The following FBXO28 variants were observed in gnomAD, a reference collection of about 807,000 sequenced individuals.
The protein encoded by FBXO28 is F-box protein 28, also known as F-box only protein 28.
Under a neutral mutation model 38.1 loss-of-function variants are expected in FBXO28, and 8 were observed. The ratio of observed to expected loss-of-function variants is 0.21; its 90% confidence interval spans 0.12 to 0.38. The LOEUF (loss-of-function observed/expected upper bound fraction) is 0.38, where lower values mean the gene tolerates loss of function less well. Ranked by LOEUF, FBXO28 falls within the 10% of genes least tolerant of loss-of-function variation. The pLI, the probability that FBXO28 is intolerant of heterozygous loss-of-function variation, is 1.00. For missense variants in FBXO28, 345 were observed against 460.6 expected (o/e 0.75, Z 2.30); for synonymous variants, 168 against 173.8 (o/e 0.97, Z 0.26).
At chr1:224,124,989 G>A (rs1419126475) in intron 1 of FBXO28, among the ~76,000 whole-genome samples, 1 of 152,052 alleles carries the variant, frequency 6.6e-6, no homozygotes. Flanking sequence ...AAAGATGTAT[G>A]ATCTCTTGTG....
chr1:224,148,681 G>A (rs1180428501), intron 3 of FBXO28, among the ~76,000 whole-genome samples: 2 of 150,750 alleles, frequency 1.3e-5, no homozygotes, highest in African/African-American at 2.4e-5. Context: ...AAAAAAAAAA[G>A]AAAAGAAACA....
At chr1:224,153,921 C>CA (rs3065992) in intron 4 of FBXO28, among the ~76,000 whole-genome samples, 5,857 of 130,590 alleles carry the variant, frequency 0.045, 373 homozygotes, top group African/African-American at 0.15. Context: ...AACTCCATCT[C>CA]AAAAAAAAAA....
At position 224,159,232 on chromosome 1, in the gene FBXO28, A is replaced by G. The variant is rs1657841242; in HGVS notation, c.*1486A>G. The G allele has an allele frequency of 6.6e-6, 1 of 152,618 alleles. No homozygotes were observed. Among genetic ancestry groups the G allele is most frequent in the South Asian group, 2.1e-4 (1 of 4,828 alleles). The allele number at this position is 152,618 out of a possible 1,614,324, so 9.5% of individuals were successfully genotyped here. On this transcript the variant is annotated 3_prime_UTR_variant, in exon 5 of 5. Coordinates refer to ENST00000366862, the MANE Select transcript of FBXO28 (RefSeq NM_015176.4). ...CTGTCCCTTTCCAGGTGGGAGCTTAACACCTGTATAAAACCTAAGGTTTTG... is the reference window on the plus strand; with the variant it reads ...CTGTCCCTTTCCAGGTGGGAGCTTAGCACCTGTATAAAACCTAAGGTTTTG...
chr1:224,133,119 A>T (rs1348993082), intron 2 of FBXO28, among the ~76,000 whole-genome samples: 1 of 152,232 alleles, frequency 6.6e-6, no homozygotes, highest in Admixed American at 6.5e-5. Context: ...AAGAAGCCAG[A>T]AACATAAGGC....
At chr1:224,126,234 A>G (rs560044699) in intron 1 of FBXO28, among the ~76,000 whole-genome samples, 1 of 152,286 alleles carries the variant, frequency 6.6e-6, no homozygotes, top group Non-Finnish European at 1.5e-5. Flanking sequence ...GCCAGCACTC[A>G]TATTCGAGTT....
chr1:224,114,336 C>G lies in FBXO28; in HGVS notation c.207C>G (p.Ile69Met). ...PQNNTLVALP[I>M]VAIENILSFM... is the part of the protein sequence containing the mutation. ...ACAACACGCTTGTGGCGCTGCCCAT[C>G]GTAGCCATCGAGAACATCCTCAGCT... Residue 69 changes from isoleucine (I) to methionine (M), a missense_variant, in exon 1 of 5, where the codon ATC (isoleucine) becomes ATG (methionine). Ile to Met is a conservative substitution (Grantham distance 10). Transcript: ENST00000366862. The G allele has an allele frequency of 6.3e-7, 1 of 1,593,204 alleles. No individual in the cohort carries two copies. Among genetic ancestry groups the G allele is most frequent in the Non-Finnish European group, 8.5e-7 (1 of 1,169,812 alleles).
chr1:224,140,726 C>T (rs1247219650), intron 3 of FBXO28, among the ~76,000 whole-genome samples: 2 of 151,964 alleles, frequency 1.3e-5, no homozygotes, highest in Non-Finnish European at 2.9e-5. Context: ...GGGCGGATCA[C>T]CTGAGGTCAA....
Position 224,153,182 on chromosome 1 carries a change from C to T in FBXO28, c.557C>T (p.Ser186Phe). ...TATCGTGTGTTGAGATATGTCAATT[C>T]TACCAGAGCCCCTCAACGAGCTCAT... Reference protein sequence around the residue: ...EIYRVLRYVNSTRAPQRAHEV... With the variant: ...EIYRVLRYVNFTRAPQRAHEV... The change falls in exon 4 of 5, where the codon TCT becomes TTT. Residue 186 changes from serine to phenylalanine, a missense_variant. Physicochemically the swap from Ser to Phe is radical, Grantham distance 155 (BLOSUM62 -2). Transcript: ENST00000366862. The T allele has an allele frequency of 1.2e-6, 2 of 1,608,362 alleles. No individual in the cohort carries two copies. The highest frequency in any genetic ancestry group is 1.7e-6 in the Non-Finnish European group (2 of 1,178,274).
intron 1 of FBXO28, among the ~76,000 whole-genome samples, chr1:224,127,116 A>G (rs960901482): frequency 6.6e-6 from 1 of 151,872 alleles, no homozygotes; most frequent in Admixed American, 6.6e-5. Flanking sequence ...CAGAAACCCC[A>G]GAGAGGTTTC....
intron 3 of FBXO28, among the ~76,000 whole-genome samples, chr1:224,143,806 A>T (rs181223378): frequency 2.0e-3 from 293 of 148,380 alleles, no homozygotes; most frequent in African/African-American, 6.9e-3. Context: ...ACTGCACTCC[A>T]GCCTGGACGA....
chr1:224,157,330 C>A, intron 4 of FBXO28, 22 bp from the exon 5 acceptor site: 1 of 1,564,828 alleles, frequency 6.4e-7, no homozygotes, highest in Non-Finnish European at 8.6e-7. Flanking sequence ...GTGACTGACC[C>A]TTTTGAATTA....
rs1358590580 is a variant in FBXO28 at position 224,114,690 on chromosome 1, T to G, written c.267+294T>G. Among the ~76,000 whole-genome samples, 3 of 152,044 alleles carry G rather than the reference T, an allele frequency of 2.0e-5. No individual in the cohort carries two copies. The East Asian group carries it at 5.8e-4, about 30-fold the overall frequency. ...TCTACGGGAGGGGTAGCGGAGTTGG[T>G]CTTCCCACCTTCCGCCTGGCCCGAG... On this transcript the variant is annotated intron_variant, in intron 1 of 4. Coordinates refer to ENST00000366862, the MANE Select transcript of FBXO28 (RefSeq NM_015176.4).
At chr1:224,146,739 G>A (rs371988111) in intron 3 of FBXO28, among the ~76,000 whole-genome samples, 2 of 114,052 alleles carry the variant, frequency 1.8e-5, no homozygotes, top group South Asian at 5.4e-4. Context: ...ACTGAGTCTT[G>A]CTGTGTCGCC....
intron 1 of FBXO28, among the ~76,000 whole-genome samples, chr1:224,125,657 T>C (rs77742880): frequency 2.0e-5 from 3 of 151,512 alleles, no homozygotes; most frequent in Non-Finnish European, 2.9e-5. Context: ...TTTTTTTTTT[T>C]CTGACACGGA....
Position 224,130,548 on chromosome 1 carries a change from T to G in FBXO28, c.344T>G (p.Leu115Arg), listed in dbSNP as rs2102616750. The part of the protein sequence containing the change: ...GFLKVERYHN[L>R]CQKQVKAQLP... ...CTGAAAGTGGAGAGGTACCATAATC[T>G]ATGTCAGAAACAAGTTAAAGCACAA... The change falls in exon 2 of 5, where the codon CTA becomes CGA. Residue 115 changes from leucine (L) to arginine (R), a missense_variant. Transcript: ENST00000366862. 1 of 1,613,712 alleles carries G rather than the reference T, an allele frequency of 6.2e-7. No individual in the cohort carries two copies. Among genetic ancestry groups the G allele is most frequent in the East Asian group, 2.2e-5 (1 of 44,860 alleles).
In FBXO28 at chr1:224,161,726, A is replaced by C. The variant is rs1332695060; in HGVS notation, c.*3980A>C. On this transcript the variant is annotated 3_prime_UTR_variant, in exon 5 of 5. Transcript: ENST00000366862. ...TTGCATCTTCCTAAGCATCTTGGTT[A>C]AATTTCTGAAGTTTAAAAATTAGAT... 2 of 152,222 alleles carry C rather than the reference A, an allele frequency of 1.3e-5. No homozygotes were observed. Among genetic ancestry groups the C allele is most frequent in the Non-Finnish European group, 2.9e-5 (2 of 68,044 alleles). 9.4% of individuals were successfully genotyped at this position (152,222 alleles called of 1,614,324 possible).
At chr1:224,131,285 C>T (rs1433714246) in intron 2 of FBXO28, among the ~76,000 whole-genome samples, 1 of 150,990 alleles carries the variant, frequency 6.6e-6, no homozygotes, top group Non-Finnish European at 1.5e-5. Flanking sequence ...AAAAATTCAG[C>T]TGTCTTTTTT....
At chr1:224,152,696 C>T (rs771932932) in intron 3 of FBXO28, among the ~76,000 whole-genome samples, 17 of 151,978 alleles carry the variant, frequency 1.1e-4, no homozygotes, top group East Asian at 5.8e-4. Flanking sequence ...TTTGGGAGGC[C>T]GAGGTGGGTG....
At position 224,159,678 on chromosome 1, in the gene FBXO28, C is replaced by G. The variant is rs145695250; in HGVS notation, c.*1932C>G. The G allele has an allele frequency of 3.3e-5, 5 of 152,074 alleles. No individual in the cohort carries two copies. In the East Asian group the frequency reaches 9.6e-4, roughly 29 times the overall value. The allele number at this position is 152,074 out of a possible 1,614,324, so 9.4% of individuals were successfully genotyped here. ...AGGCCTGGTGGAATACCCGGGGCCT[C>G]TACTAGTCTGCTTTTCCGGTCATAG... On this transcript the variant is annotated 3_prime_UTR_variant, in exon 5 of 5. Transcript: ENST00000366862.
Sources: gnomAD v4.1 joint callset for allele counts (sites outside exome capture counted in the v4.1 genomes callset) on GRCh38, gnomAD v4.1.1 for gene constraint, MANE v1.5 for transcripts, NCBI Gene and HGNC (gene_info 2026-07-23, HGNC 2026-07-21) for gene names.